The following TMPRSS15 variants were observed in gnomAD, a reference collection of about 807,000 sequenced individuals.
TMPRSS15 encodes the protein transmembrane serine protease 15.
A neutral mutation model predicts 125.3 loss-of-function variants in TMPRSS15; 128 were observed. The ratio of observed to expected loss-of-function variants is 1.02; its 90% CI spans 0.89 to 1.18. The LOEUF is 1.18. Among genes scored for constraint, TMPRSS15 ranks in the 50% most tolerant of loss-of-function variants. The pLI is 0.00. For missense variants in TMPRSS15, 1,283 were observed against 1,212.7 expected, an observed-to-expected ratio of 1.06 and a Z score of -0.86; for synonymous variants, 446 against 423.2, an observed-to-expected ratio of 1.05 and a Z score of -0.66.
At position 18,329,291 on chromosome 21, in the gene TMPRSS15, A is replaced by T. The variant is rs756127959; in HGVS notation, c.1658T>A (p.Val553Asp). ...TCCTTTTTGTGCATTTAAAATCCAAACACCTAAAAAGTAAGAAGTAACATT... is the reference window on the plus strand; with the variant it reads ...TCCTTTTTGTGCATTTAAAATCCAATCACCTAAAAAGTAAGAAGTAACATT... ...PNSYPNLAFC[V>D]WILNAQKGKN... Residue 553 changes from valine to aspartate, a missense_variant, in exon 15 of 25, where the codon GTT becomes GAT. By Grantham distance (152) the Val-to-Asp change is radical. Transcript: ENST00000284885. 4.3e-6 allele frequency: 7 copies of T among 1,609,206 alleles called. No individual in the cohort carries two copies. The highest frequency in any genetic ancestry group is 5.9e-6 in the Non-Finnish European group (7 of 1,177,268).
At chr21:18,436,221 G>A (rs1352006520) in intron 1 of TMPRSS15, among the ~76,000 whole-genome samples, 1 of 151,132 alleles carries the variant, frequency 6.6e-6, no homozygotes, top group Non-Finnish European at 1.5e-5. Flanking sequence ...TAATTATGAT[G>A]TTAGGGTGTC....
chr21:18,337,426 C>T (rs2075402970), intron 13 of TMPRSS15, among the ~76,000 whole-genome samples: 1 of 152,124 alleles, frequency 6.6e-6, no homozygotes, highest in African/African-American at 2.4e-5. Context: ...GGTATCTTGT[C>T]ATGAATCATC....
intron 1 of TMPRSS15, among the ~76,000 whole-genome samples, chr21:18,455,285 T>C (rs1978417399): frequency 6.6e-6 from 1 of 152,140 alleles, no homozygotes; most frequent in African/African-American, 2.4e-5. Context: ...AATGGACTAA[T>C]ACAGTGTGAA....
In TMPRSS15 at chr21:18,341,422, C is replaced by T. The variant is rs1829326717; in HGVS notation, c.1555G>A (p.Glu519Lys). ...EPTLVPTPPP[E>K]LPTDCGGPFE... Reference sequence around the variant, plus strand: ...CATGAAGGTTACTTACTAGGAAGTTCTGGTGGAGGAGTTGGCACCAAAGTT... The same window carrying T: ...CATGAAGGTTACTTACTAGGAAGTTTTGGTGGAGGAGTTGGCACCAAAGTT... The change falls in exon 13 of 25, where the codon GAA becomes AAA. Residue 519 changes from glutamate to lysine, a missense_variant. Glu to Lys is a moderately conservative substitution (Grantham distance 56). Coordinates refer to ENST00000284885, the MANE Select transcript of TMPRSS15 (RefSeq NM_002772.3). 1.2e-6 allele frequency: 2 copies of T among 1,614,122 alleles called. No homozygotes were observed. The highest frequency in any genetic ancestry group is 4.5e-5 in the East Asian group (2 of 44,880).
intron 8 of TMPRSS15, among the ~76,000 whole-genome samples, chr21:18,354,509 C>T (rs932894751): frequency 2.0e-5 from 3 of 151,292 alleles, no homozygotes; most frequent in Non-Finnish European, 3.0e-5. Flanking sequence ...ATCATTGTTA[C>T]ATAAAATTTG....
At chr21:18,380,689 G>A (rs959522869) in intron 4 of TMPRSS15, 1 of 404,080 alleles carries the variant, frequency 2.5e-6, no homozygotes, top group Non-Finnish European at 5.2e-6. Context: ...CTGATCCTTT[G>A]GAGTTCCTAT....
chr21:18,406,685 C>T (rs1015608433), upstream of TMPRSS15, among the ~76,000 whole-genome samples: 5 of 152,096 alleles, frequency 3.3e-5, no homozygotes, highest in Non-Finnish European at 7.4e-5. Context: ...TGTCATTCAT[C>T]GCTTGTCTGA....
At chr21:18,380,577 C>G (rs750950462) in intron 4 of TMPRSS15, 33 of 470,514 alleles carry the variant, frequency 7.0e-5, no homozygotes, top group Non-Finnish European at 1.2e-4. Flanking sequence ...AAAAATTCTC[C>G]AAAGATGCTG....
chr21:18,367,850 T>C (rs2075753210), intron 6 of TMPRSS15, among the ~76,000 whole-genome samples: 1 of 152,138 alleles, frequency 6.6e-6, no homozygotes, highest in Non-Finnish European at 1.5e-5. Context: ...CAAGCAACAA[T>C]TTAAAGCAAG....
At chr21:18,450,970 G>A (rs918079244) in intron 1 of TMPRSS15, among the ~76,000 whole-genome samples, 3 of 151,844 alleles carry the variant, frequency 2.0e-5, no homozygotes, top group Non-Finnish European at 2.9e-5. Context: ...TTAAAAATTC[G>A]CTGATTATTC....
At chr21:18,338,740 A>AAGAG (rs57668525) in intron 13 of TMPRSS15, among the ~76,000 whole-genome samples, 93,143 of 151,114 alleles carry the variant, frequency 0.62, 29,100 homozygotes, top group African/African-American at 0.73. Flanking sequence ...AAGAGAGAGA[A>AAGAG]AGAGAGAGAG....
At chr21:18,416,302 T>A (rs1264022930) in intron 1 of TMPRSS15, among the ~76,000 whole-genome samples, 1 of 151,978 alleles carries the variant, frequency 6.6e-6, no homozygotes, top group Admixed American at 6.5e-5. Flanking sequence ...AATCCTAAAT[T>A]TCATTTGGAA....
At chr21:18,378,251 G>A (rs1241523480) in intron 5 of TMPRSS15, among the ~76,000 whole-genome samples, 3 of 152,176 alleles carry the variant, frequency 2.0e-5, no homozygotes, top group East Asian at 1.9e-4. Flanking sequence ...GTGTTGGAAG[G>A]GGATTTGAGA....
chr21:18,280,802 T>C (rs887776822), intron 22 of TMPRSS15, among the ~76,000 whole-genome samples: 4 of 152,146 alleles, frequency 2.6e-5, no homozygotes, highest in East Asian at 1.9e-4. Context: ...TTTACTGTTA[T>C]ACAGGGCTCA....
intron 1 of TMPRSS15, among the ~76,000 whole-genome samples, chr21:18,426,219 A>G (rs2076202359): frequency 6.6e-6 from 1 of 151,924 alleles, no homozygotes; most frequent in African/African-American, 2.4e-5. Context: ...CTTAATCCTC[A>G]TGTGTTCTAT....
At chr21:18,470,053 T>A (rs1045080825) in intron 1 of TMPRSS15, among the ~76,000 whole-genome samples, 1 of 152,040 alleles carries the variant, frequency 6.6e-6, no homozygotes, top group Admixed American at 6.6e-5. Context: ...GATAGCCTAG[T>A]TTTTTTGGTA....
chr21:18,271,556 GT>G (rs1026232890), intron 24 of TMPRSS15, among the ~76,000 whole-genome samples: 5 of 151,762 alleles, frequency 3.3e-5, no homozygotes, highest in African/African-American at 1.2e-4. Flanking sequence ...TAACACATCA[GT>G]TTAGTTATGT....
chr21:18,287,653 A>G (rs2074781423), intron 21 of TMPRSS15, among the ~76,000 whole-genome samples: 1 of 152,206 alleles, frequency 6.6e-6, no homozygotes, highest in Admixed American at 6.5e-5. Flanking sequence ...AATAGTGGTA[A>G]TAGAATGGTG....
chr21:18,392,821 A>G (rs67827139), intron 3 of TMPRSS15, among the ~76,000 whole-genome samples: 42,664 of 152,106 alleles, frequency 0.28, 6,234 homozygotes, highest in East Asian at 0.48. Context: ...TTTCTTCACA[A>G]GGTGGCAGGA....
Sources: gnomAD v4.1 joint callset for allele counts (sites outside exome capture counted in the v4.1 genomes callset) on GRCh38, gnomAD v4.1.1 for gene constraint, MANE v1.5 for transcripts, NCBI Gene and HGNC (gene_info 2026-07-23, HGNC 2026-07-21) for gene names.